PID1: variants seen among roughly 807,000 people sequenced by gnomAD.
The protein encoded by PID1 is PTB-containing, cubilin and LRP1-interacting protein.
PID1 carries 10 observed loss-of-function variants against 19.1 expected under a neutral mutation model. The ratio of observed to expected loss-of-function variants is 0.52; its 90% CI spans 0.32 to 0.89. The LOEUF (loss-of-function observed/expected upper bound fraction) is 0.89, where lower values mean the gene tolerates loss of function less well. Ranked by LOEUF, PID1 falls within the 40% of genes least tolerant of loss-of-function variation. The pLI, the probability that PID1 is intolerant of heterozygous loss-of-function variation, is 0.03. For missense variants in PID1, 248 were observed against 285.3 expected (o/e 0.87, Z 0.94); for synonymous variants, 130 against 116.0 (o/e 1.12, Z -0.78).
chr2:229,122,359 G>A (rs1377749151), intron 2 of PID1, among the ~76,000 whole-genome samples: 2 of 152,138 alleles, frequency 1.3e-5, no homozygotes, highest in Non-Finnish European at 2.9e-5. Flanking sequence ...TGGGGCTCTG[G>A]TAGGGAAAAG....
intron 1 of PID1, among the ~76,000 whole-genome samples, chr2:229,206,269 C>A (rs1025552154): frequency 7.4e-5 from 11 of 149,008 alleles, no homozygotes; most frequent in East Asian, 2.0e-4. Context: ...AAAAAAAAAA[C>A]CCCAAAGATC....
chr2:229,072,767 G>A (rs914535690), intron 2 of PID1, among the ~76,000 whole-genome samples: 1 of 152,160 alleles, frequency 6.6e-6, no homozygotes, highest in Non-Finnish European at 1.5e-5. Flanking sequence ...CAAATTTGAT[G>A]TAGGCTTTAT....
At chr2:229,246,532 G>A (rs1690007299) in intron 1 of PID1, among the ~76,000 whole-genome samples, 1 of 152,074 alleles carries the variant, frequency 6.6e-6, no homozygotes, top group Non-Finnish European at 1.5e-5. Context: ...TGAGCTGTGG[G>A]CACACACACC....
At chr2:229,269,710 A>G (rs1690684766) in intron 1 of PID1, among the ~76,000 whole-genome samples, 1 of 152,202 alleles carries the variant, frequency 6.6e-6, no homozygotes, top group South Asian at 2.1e-4. Context: ...TTCAGAGCCC[A>G]GTGCTGATAT....
intron 1 of PID1, among the ~76,000 whole-genome samples, chr2:229,251,446 C>T (rs756996195): frequency 2.0e-5 from 3 of 152,186 alleles, no homozygotes; most frequent in Non-Finnish European, 4.4e-5. Context: ...CCACCCAGAA[C>T]TCCCCAAGAT....
intron 1 of PID1, among the ~76,000 whole-genome samples, chr2:229,223,044 T>C (rs1159906810): frequency 6.6e-6 from 1 of 152,180 alleles, no homozygotes; most frequent in Admixed American, 6.5e-5. Context: ...TTCCTACACA[T>C]GGCTTTCGTT....
chr2:229,166,964 A>AGGAAGG (rs57225131), intron 1 of PID1, among the ~76,000 whole-genome samples: 47 of 145,998 alleles, frequency 3.2e-4, no homozygotes, highest in South Asian at 1.8e-3. Context: ...AAGAAAAGAA[A>AGGAAGG]GGAAGGGGAA....
intron 2 of PID1, among the ~76,000 whole-genome samples, chr2:229,126,346 T>G (rs1487739305): frequency 1.3e-5 from 2 of 152,128 alleles, no homozygotes; most frequent in African/African-American, 4.8e-5. Context: ...TGGAGGTAAT[T>G]TAACAAGTTT....
intron 2 of PID1, among the ~76,000 whole-genome samples, chr2:229,047,521 T>C (rs982823111): frequency 6.6e-6 from 1 of 152,170 alleles, no homozygotes; most frequent in Non-Finnish European, 1.5e-5. Context: ...GGTAGTTATA[T>C]TATAATGAAT....
chr2:229,098,708 G>A (rs1695019674), intron 2 of PID1, among the ~76,000 whole-genome samples: 1 of 152,088 alleles, frequency 6.6e-6, no homozygotes, highest in African/African-American at 2.4e-5. Flanking sequence ...TCTGAGACCA[G>A]GTTCAAGCAG....
At chr2:229,093,402 G>A (rs1310524922) in intron 2 of PID1, among the ~76,000 whole-genome samples, 1 of 151,634 alleles carries the variant, frequency 6.6e-6, no homozygotes, top group African/African-American at 2.4e-5. Flanking sequence ...GGGATTACAG[G>A]AGCGAGCCAT....
chr2:229,094,994 T>G (rs1694946477), intron 2 of PID1, among the ~76,000 whole-genome samples: 1 of 152,180 alleles, frequency 6.6e-6, no homozygotes, highest in Non-Finnish European at 1.5e-5. Flanking sequence ...TAATAACAGA[T>G]AGCGTGAGCC....
At chr2:229,100,102 A>C (rs887678193) in intron 2 of PID1, among the ~76,000 whole-genome samples, 3 of 152,110 alleles carry the variant, frequency 2.0e-5, no homozygotes, top group African/African-American at 7.2e-5. Context: ...CTACCAACTA[A>C]AAAGAGGCCC....
intron 1 of PID1, among the ~76,000 whole-genome samples, chr2:229,249,119 C>A (rs555405654): frequency 5.3e-5 from 8 of 152,176 alleles, no homozygotes; most frequent in Non-Finnish European, 1.2e-4. Context: ...ATTGCCATCT[C>A]TTGCATTCCT....
intron 2 of PID1, among the ~76,000 whole-genome samples, chr2:229,135,569 T>C (rs77566134): frequency 0.14 from 20,922 of 152,176 alleles, 1,677 homozygotes; most frequent in East Asian, 0.28. Context: ...GCATTCTCCC[T>C]GGGTGGCACT....
intron 1 of PID1, among the ~76,000 whole-genome samples, chr2:229,264,701 G>A (rs1690546709): frequency 6.6e-6 from 1 of 152,152 alleles, no homozygotes; most frequent in African/African-American, 2.4e-5. Flanking sequence ...AGCTAGCTAG[G>A]GATCTTCTTC....
At chr2:229,058,531 C>T (rs1313127680) in intron 2 of PID1, among the ~76,000 whole-genome samples, 1 of 152,198 alleles carries the variant, frequency 6.6e-6, no homozygotes, top group Non-Finnish European at 1.5e-5. Context: ...CCCCTGCTGG[C>T]ATGCATCATA....
chr2:229,248,286 T>C (rs912815803), intron 1 of PID1, among the ~76,000 whole-genome samples: 2 of 152,150 alleles, frequency 1.3e-5, no homozygotes, highest in African/African-American at 2.4e-5. Flanking sequence ...GTACTGATAT[T>C]TTTGAAGAGC....
At chr2:229,083,194 AT>A (rs980530774) in intron 2 of PID1, among the ~76,000 whole-genome samples, 31 of 152,202 alleles carry the variant, frequency 2.0e-4, no homozygotes, top group African/African-American at 6.5e-4. Context: ...TGAACACCTT[AT>A]TTTCCAGTAA....
Sources: gnomAD v4.1 joint callset for allele counts (sites outside exome capture counted in the v4.1 genomes callset) on GRCh38, gnomAD v4.1.1 for gene constraint, MANE v1.5 for transcripts, NCBI Gene and HGNC (gene_info 2026-07-23, HGNC 2026-07-21) for gene names.